The following ZNF599 variants were observed in gnomAD, a reference collection of about 807,000 sequenced individuals.
ZNF599 encodes zinc finger protein 599.
ZNF599 carries 10 observed loss-of-function variants against 11.7 expected under a neutral mutation model. The ratio of observed to expected loss-of-function variants is 0.86; its 90% CI spans 0.53 to 1.45. The LOEUF is 1.45. ZNF599 is among the 40% of genes most tolerant of loss of function. The pLI is 0.00. For missense variants in ZNF599, 688 were observed against 713.6 expected (o/e 0.96, Z 0.41); for synonymous variants, 232 against 253.2 (o/e 0.92, Z 0.79).
chr19:34,785,695 T>G, the ZNF599 span, among the ~76,000 whole-genome samples: 1 of 152,182 alleles, frequency 6.6e-6, no homozygotes, highest in African/African-American at 2.4e-5. Flanking sequence ...CCATATCCAG[T>G]GAGCAACATG....
upstream of ZNF599, chr19:34,773,350 C>G (rs1600161183): frequency 6.5e-6 from 1 of 154,072 alleles, no homozygotes; most frequent in African/African-American, 2.4e-5. Context: ...CTGGAGCGCA[C>G]TTTCTGTTCT....
chr19:34,790,538 C>A, the ZNF599 span, among the ~76,000 whole-genome samples: 2 of 152,054 alleles, frequency 1.3e-5, no homozygotes, highest in Non-Finnish European at 2.9e-5. Flanking sequence ...ACTGTGTGAT[C>A]TCATTTATAT....
At chr19:34,771,896 T>C (rs915635554) in intron 1 of ZNF599, among the ~76,000 whole-genome samples, 1 of 152,138 alleles carries the variant, frequency 6.6e-6, no homozygotes, top group East Asian at 1.9e-4. Flanking sequence ...CAGAAGACTC[T>C]AGAAAACAAC....
At chr19:34,780,089 T>G in the ZNF599 span, 1 of 152,596 alleles carries the variant, frequency 6.6e-6, no homozygotes, top group Admixed American at 6.5e-5. Context: ...CTCTATATTC[T>G]CTGCATCTGT....
Position 34,769,440 on chromosome 19 carries a change from A to AGGAGC in ZNF599, c.129_133dup (p.Leu45ArgfsTer15), listed in dbSNP as rs2069167507. ...TAATGAGGTCTTACCCAGTGAGACC[A>AGGAGC]GGAGCCTGCAGGTCTCCAGCATCAC... On this transcript the variant is annotated frameshift_variant, in exon 2 of 4. Transcript: ENST00000329285. LOFTEE classifies it high-confidence loss of function. The AGGAGC allele has an allele frequency of 6.2e-7, 1 of 1,614,044 alleles. No homozygotes were observed. The highest frequency in any genetic ancestry group is 8.5e-7 in the Non-Finnish European group (1 of 1,180,022).
chr19:34,774,557 T>C (rs757797013), upstream of ZNF599, among the ~76,000 whole-genome samples: 1 of 152,200 alleles, frequency 6.6e-6, no homozygotes, highest in Non-Finnish European at 1.5e-5. Context: ...CTATATTCCA[T>C]GGCCTACAAA....
chr19:34,777,385 TTAATATA>T (rs1364130061), upstream of ZNF599, among the ~76,000 whole-genome samples: 73 of 86,156 alleles, frequency 8.5e-4, no homozygotes, highest in South Asian at 7.0e-3. Context: ...TATATATTAA[TTAATATA>T]TAATATATAT....
chr19:34,804,785 A>G, the ZNF599 span, among the ~76,000 whole-genome samples: 1 of 152,326 alleles, frequency 6.6e-6, no homozygotes, highest in Admixed American at 6.5e-5. Context: ...ACGAGGAGAA[A>G]CCGAAAAGAA....
intron 3 of ZNF599, chr19:34,762,815 T>C (rs1179801509): frequency 1.3e-5 from 2 of 152,204 alleles, no homozygotes; most frequent in African/African-American, 4.8e-5. Flanking sequence ...CAACCTTTTA[T>C]TTTTTTGAGG....
the ZNF599 span, among the ~76,000 whole-genome samples, chr19:34,784,745 C>T: frequency 2.0e-5 from 3 of 151,980 alleles, no homozygotes; most frequent in East Asian, 1.9e-4. Context: ...ACATCCATCT[C>T]GAATCGATAC....
At chr19:34,806,000 C>T in the ZNF599 span, among the ~76,000 whole-genome samples, 1 of 152,168 alleles carries the variant, frequency 6.6e-6, no homozygotes, top group African/African-American at 2.4e-5. Context: ...GTTTCTCAAG[C>T]AACCCCAGTC....
At chr19:34,792,422 G>C in the ZNF599 span, among the ~76,000 whole-genome samples, 44 of 152,140 alleles carry the variant, frequency 2.9e-4, no homozygotes, top group Admixed American at 2.8e-3. Context: ...ATTGACTGAT[G>C]CCTGACTTTC....
chr19:34,772,495 A>C (rs962640557), intron 1 of ZNF599: 71 of 1,223,442 alleles, frequency 5.8e-5, no homozygotes, highest in Admixed American at 8.4e-5. Flanking sequence ...GACCCACGTC[A>C]CAAGCGTACC....
the ZNF599 span, among the ~76,000 whole-genome samples, chr19:34,781,211 G>A: frequency 6.8e-6 from 1 of 146,746 alleles, no homozygotes; most frequent in African/African-American, 2.5e-5. Flanking sequence ...AGAAAAGGAA[G>A]GAAGGAAATG....
chr19:34,786,686 T>C, the ZNF599 span, among the ~76,000 whole-genome samples: 1 of 152,272 alleles, frequency 6.6e-6, no homozygotes, highest in East Asian at 1.9e-4. Flanking sequence ...CTGGGAAATA[T>C]TGTTCCAATG....
chr19:34,792,063 C>CTGGA, the ZNF599 span: 1 of 152,316 alleles, frequency 6.6e-6, no homozygotes, highest in South Asian at 2.1e-4. Context: ...ACCTGGAAAC[C>CTGGA]AACAGCACAA....
rs188198673 is a variant in ZNF599 at position 34,760,195 on chromosome 19, C to T, written c.606G>A (p.Thr202=). The T allele has an allele frequency of 2.2e-5, 35 of 1,614,176 alleles. No homozygotes were observed. In the East Asian group the frequency reaches 2.9e-4, roughly 13 times the overall value. Residue 202 remains threonine, a synonymous_variant, in exon 4 of 4, where the codon ACG becomes ACA. Transcript: ENST00000329285. ...TDARNNPYTC[T]ECGKGFSKKW... ...TCTTGCTAAACCCTTTCCCACATTC[C>T]GTGCATGTGTAAGGGTTATTCCTTG...
the ZNF599 span, among the ~76,000 whole-genome samples, chr19:34,781,198 G>A: frequency 0.13 from 19,349 of 144,688 alleles, 1,314 homozygotes; most frequent in Middle Eastern, 0.2. Flanking sequence ...AGGAAGGAGA[G>A]AGAGAAAAGG....
Position 34,758,738 on chromosome 19 carries a change from C to A in ZNF599, c.*296G>T, listed in dbSNP as rs1313209999. ...TTAATAAGAGGAAAGTTGTTCCTGA[C>A]ATTTTACCTAAATGCATGTTAACCA... On this transcript the variant is annotated 3_prime_UTR_variant, in exon 4 of 4. Transcript: ENST00000329285. 2 of 268,650 alleles carry A rather than the reference C, an allele frequency of 7.4e-6. No homozygotes were observed. The highest frequency in any genetic ancestry group is 4.4e-5 in the African/African-American group (2 of 45,446). The allele number at this position is 268,650 out of a possible 1,614,324, so 16.6% of individuals were successfully genotyped here.
Sources: gnomAD v4.1 joint callset for allele counts (sites outside exome capture counted in the v4.1 genomes callset) on GRCh38, gnomAD v4.1.1 for gene constraint, MANE v1.5 for transcripts, NCBI Gene and HGNC (gene_info 2026-07-23, HGNC 2026-07-21) for gene names.